TESK2: variants seen among roughly 807,000 people sequenced by gnomAD.
The protein encoded by TESK2 is testis associated actin remodelling kinase 2.
A neutral mutation model predicts 57.1 loss-of-function variants in TESK2; 39 were observed. The ratio of observed to expected loss-of-function variants is 0.68; its 90% CI spans 0.53 to 0.89. The LOEUF is 0.89. TESK2 is among the 40% of genes least tolerant of loss of function. TESK2 has a pLI of 0.00. For missense variants in TESK2, 646 were observed against 732.1 expected (o/e 0.88, Z 1.36); for synonymous variants, 249 against 267.9 (o/e 0.93, Z 0.69).
At chr1:45,479,843 GAGT>G (rs1240649348) in intron 1 of TESK2, among the ~76,000 whole-genome samples, 4 of 122,314 alleles carry the variant, frequency 3.3e-5, no homozygotes, top group African/African-American at 1.3e-4. Context: ...TTTTGAGATG[GAGT>G]CTCACTCTGT....
Position 45,457,655 on chromosome 1 carries a change from C to G in TESK2, c.131G>C (p.Arg44Pro). ...QVGRVWPSSY[R>P]ALISAFSRLT... ...TCTGGAAAAGGCACTTATAAGAGCT[C>G]GATACGAAGATGGCCAAACTCTTCC... The change falls in exon 2 of 11, where the codon CGA becomes CCA. Residue 44 changes from arginine to proline, a missense_variant. Physicochemically the swap from Arg to Pro is moderately radical, Grantham distance 103. Coordinates refer to ENST00000372086, the MANE Select transcript of TESK2 (RefSeq NM_007170.3). 1 of 1,614,034 alleles carries G rather than the reference C, an allele frequency of 6.2e-7. No individual in the cohort carries two copies. Among genetic ancestry groups the G allele is most frequent in the Non-Finnish European group, 8.5e-7 (1 of 1,180,010 alleles).
chr1:45,482,528 AT>A (rs1653269253), intron 1 of TESK2, among the ~76,000 whole-genome samples: 2 of 152,048 alleles, frequency 1.3e-5, no homozygotes, highest in African/African-American at 4.8e-5. Context: ...TCTCAAAAAA[AT>A]AAATAAATAA....
chr1:45,428,591 C>G (rs552056082), intron 2 of TESK2, among the ~76,000 whole-genome samples: 1 of 152,152 alleles, frequency 6.6e-6, no homozygotes, highest in Non-Finnish European at 1.5e-5. Flanking sequence ...CAGCCTCCCC[C>G]TCCTGAGATC....
chr1:45,483,188 G>A (rs1653304260), intron 1 of TESK2, among the ~76,000 whole-genome samples: 1 of 151,838 alleles, frequency 6.6e-6, no homozygotes, highest in South Asian at 2.1e-4. Context: ...GGCTGAGGCA[G>A]GAGAATGGCG....
intron 4 of TESK2, among the ~76,000 whole-genome samples, chr1:45,362,196 T>C (rs1008861597): frequency 1.3e-5 from 2 of 152,248 alleles, no homozygotes; most frequent in East Asian, 1.9e-4. Context: ...TTTTGTTGTT[T>C]ATAAGCTACC....
intron 3 of TESK2, among the ~76,000 whole-genome samples, chr1:45,398,194 C>T (rs1467822492): frequency 6.6e-6 from 1 of 152,052 alleles, no homozygotes; most frequent in East Asian, 1.9e-4. Flanking sequence ...CAGGTGGGAG[C>T]CACTGTGCCT....
At chr1:45,399,106 T>G (rs917376187) in intron 3 of TESK2, 1 of 274,446 alleles carries the variant, frequency 3.6e-6, no homozygotes, top group Non-Finnish European at 7.2e-6. Flanking sequence ...CACAGTTAGT[T>G]CTCAGTATTC....
chr1:45,427,294 C>T (rs1475198474), intron 2 of TESK2, among the ~76,000 whole-genome samples: 2 of 151,444 alleles, frequency 1.3e-5, no homozygotes, highest in Non-Finnish European at 2.9e-5. Flanking sequence ...AGGGGTAAGC[C>T]TCGTGCACTG....
At chr1:45,415,296 T>A (rs1302756727) in intron 3 of TESK2, 6 of 1,267,782 alleles carry the variant, frequency 4.7e-6, no homozygotes, top group Non-Finnish European at 2.3e-6. Flanking sequence ...GGTCTGGGAA[T>A]GGCAAGACCA....
chr1:45,421,070 C>A (rs986456386), intron 3 of TESK2, among the ~76,000 whole-genome samples: 13 of 152,038 alleles, frequency 8.6e-5, no homozygotes, highest in African/African-American at 3.1e-4. Context: ...CCAGCCTGGG[C>A]AAATGGTGGA....
chr1:45,468,890 G>A (rs781059), intron 1 of TESK2, among the ~76,000 whole-genome samples: 31,025 of 152,058 alleles, frequency 0.2, 3,466 homozygotes, highest in Non-Finnish European at 0.26. Flanking sequence ...CTGTGTTAGA[G>A]AAGCTTAATC....
At chr1:45,420,698 C>A (rs1291730921) in intron 3 of TESK2, among the ~76,000 whole-genome samples, 1 of 151,650 alleles carries the variant, frequency 6.6e-6, no homozygotes, top group Non-Finnish European at 1.5e-5. Flanking sequence ...AATTCTCCTG[C>A]CTCAGCCTCC....
At chr1:45,421,631 C>T (rs779566093) in intron 3 of TESK2, 94 bp downstream of exon 3, 1 of 1,527,084 alleles carries the variant, frequency 6.5e-7, no homozygotes, top group Non-Finnish European at 8.9e-7. Flanking sequence ...CATGATAAAT[C>T]CTGAATCCCT....
At chr1:45,478,840 C>T (rs1026964025) in intron 1 of TESK2, among the ~76,000 whole-genome samples, 1 of 151,804 alleles carries the variant, frequency 6.6e-6, no homozygotes, top group Non-Finnish European at 1.5e-5. Flanking sequence ...TCTCCTGCCT[C>T]AGCCTCCTGA....
At chr1:45,455,005 G>C (rs891790930) in intron 2 of TESK2, among the ~76,000 whole-genome samples, 5 of 151,998 alleles carry the variant, frequency 3.3e-5, no homozygotes, top group African/African-American at 1.2e-4. Context: ...GCCCCCACAG[G>C]GTTCACAAGA....
Position 45,373,244 on chromosome 1 carries a change from G to A in TESK2, c.393+12668C>T, listed in dbSNP as rs866880567. Among the ~76,000 whole-genome samples the A allele has an allele frequency of 1.3e-3, 201 of 152,222 alleles. 3 individuals are homozygous for A. Among genetic ancestry groups the A allele is most frequent in the African/African-American group, 4.6e-3 (190 of 41,540 alleles). ...AGACTGACAAAGAGACTAGTTAAAA[G>A]GTTATGGCAAGACATAATGATGGCA... On this transcript the variant is annotated intron_variant, in intron 4 of 10. Transcript: ENST00000372086.
intron 1 of TESK2, among the ~76,000 whole-genome samples, chr1:45,478,530 T>C (rs1247002346): frequency 1.3e-5 from 2 of 152,090 alleles, no homozygotes; most frequent in African/African-American, 4.8e-5. Flanking sequence ...AAATAGGACA[T>C]CGAGATTCCA....
chr1:45,385,712 A>G (rs111958988), intron 4 of TESK2, among the ~76,000 whole-genome samples, 200 bp downstream of exon 4: 1,313 of 128,812 alleles, frequency 0.01, 17 homozygotes, highest in African/African-American at 0.036. Context: ...GTGTGTGTGT[A>G]TATATATATA....
chr1:45,413,102 TAAGAC>T (rs1650099634), intron 3 of TESK2, among the ~76,000 whole-genome samples: 1 of 152,188 alleles, frequency 6.6e-6, no homozygotes, highest in Non-Finnish European at 1.5e-5. Context: ...ATCTTGAGCA[TAAGAC>T]TTCCTGGCGT....
Sources: gnomAD v4.1 joint callset for allele counts (sites outside exome capture counted in the v4.1 genomes callset) on GRCh38, gnomAD v4.1.1 for gene constraint, MANE v1.5 for transcripts, NCBI Gene and HGNC (gene_info 2026-07-23, HGNC 2026-07-21) for gene names.